Variants in TACC2 observed in about 807,000 individuals in gnomAD.
The protein encoded by TACC2 is transforming acidic coiled-coil-containing protein 2.
A neutral mutation model predicts 227.3 loss-of-function variants in TACC2; 137 were observed. The ratio of observed to expected loss-of-function variants is 0.60; its 90% confidence interval spans 0.52 to 0.69. The LOEUF (loss-of-function observed/expected upper bound fraction) is 0.69, where lower values mean the gene tolerates loss of function less well. Ranked by LOEUF, TACC2 falls within the 30% of genes least tolerant of loss-of-function variation. TACC2 has a pLI of 0.00. For synonymous variants in TACC2, 1,523 were observed against 1,487.5 expected (o/e 1.02, Z -0.55); for missense variants, 3,470 against 3,694.4 (o/e 0.94, Z 1.57).
chr10:122,126,119 C>A (rs1232755177), intron 5 of TACC2, among the ~76,000 whole-genome samples: 1 of 152,112 alleles, frequency 6.6e-6, no homozygotes, highest in Non-Finnish European at 1.5e-5. Flanking sequence ...GCCTTGGCAT[C>A]CTTTGATGGC....
Position 122,087,826 on chromosome 10 carries a change from A to G in TACC2, c.5326A>G (p.Lys1776Glu). 5 of 1,563,816 alleles carry G rather than the reference A, an allele frequency of 3.2e-6. No individual in the cohort carries two copies. The highest frequency in any genetic ancestry group is 4.3e-6 in the Non-Finnish European group (5 of 1,153,542). The change falls in exon 4 of 23, where the codon AAG becomes GAG. Residue 1776 changes from lysine to glutamate, a missense_variant. By Grantham distance (56) the Lys-to-Glu change is moderately conservative. Transcript: ENST00000369005. ...GDSPARPQQA[K>E]EQPGPERPIP... ...CAGCCCAGCCAGGCCCCAGCAGGCT[A>G]AGGAGCAGCCAGGGCCTGAGCGCCC...
At chr10:122,193,655 T>G (rs962057081) in intron 7 of TACC2, among the ~76,000 whole-genome samples, 1 of 152,202 alleles carries the variant, frequency 6.6e-6, no homozygotes. Flanking sequence ...TCTTAATAAT[T>G]AGCCCCCTCG....
intron 2 of TACC2, chr10:122,023,885 G>A (rs1036470501): frequency 5.9e-5 from 9 of 151,986 alleles, no homozygotes; most frequent in Middle Eastern, 3.4e-3. Context: ...CAAACAGGGA[G>A]TTCTTGTCCT....
intron 16 of TACC2, among the ~76,000 whole-genome samples, chr10:122,233,626 C>G (rs893764019): frequency 1.2e-4 from 18 of 152,292 alleles, no homozygotes; most frequent in Non-Finnish European, 2.4e-4. Flanking sequence ...CAGACTACCC[C>G]CACCCATACA....
Position 122,136,545 on chromosome 10 carries a change from GTA to G in TACC2, c.5699+3835_5699+3836del, listed in dbSNP as rs34534253. On this transcript the variant is annotated intron_variant, in intron 6 of 22. Coordinates refer to ENST00000369005, the MANE Select transcript of TACC2 (RefSeq NM_206862.4). ...TGTGTATGTATGTTTGTGTGTGTGT[GTA>G]TATATATATATATATATATATATTA... 3.2e-3 allele frequency among the ~76,000 whole-genome samples: 178 copies of G among 54,866 alleles called. 2 individuals carry two copies. Among genetic ancestry groups the G allele is most frequent in the Middle Eastern group, 0.012 (1 of 84 alleles). The allele number at this position is 54,866 out of a possible 152,430, so 36.0% of individuals were successfully genotyped here.
chr10:122,078,743 A>G (rs2079119900), intron 3 of TACC2, among the ~76,000 whole-genome samples: 1 of 152,254 alleles, frequency 6.6e-6, no homozygotes, highest in Admixed American at 6.5e-5. Context: ...TCCTGCCCTT[A>G]GGCAGATCTG....
At chr10:122,216,584 A>G in intron 10 of TACC2, 43 bp from the exon 11 acceptor site, 1 of 1,592,090 alleles carries the variant, frequency 6.3e-7, no homozygotes, top group Non-Finnish European at 8.6e-7. Context: ...GTTTCTGACC[A>G]AGAGTCTGAT....
chr10:122,105,888 G>T (rs2082709305), intron 5 of TACC2, among the ~76,000 whole-genome samples: 5 of 151,580 alleles, frequency 3.3e-5, no homozygotes, highest in Admixed American at 3.3e-4. Flanking sequence ...CTCCCAAAGT[G>T]CTGGGATTAC....
intron 2 of TACC2, among the ~76,000 whole-genome samples, chr10:122,045,995 AC>A (rs1047149907): frequency 6.6e-6 from 1 of 150,462 alleles, no homozygotes; most frequent in Admixed American, 6.7e-5. Flanking sequence ...ACATGGTGAG[AC>A]CCCCATCTCT....
At position 122,021,943 on chromosome 10, in the gene TACC2, C is replaced by T. The variant is rs745326586; in HGVS notation, c.-39C>T. On this transcript the variant is annotated 5_prime_UTR_variant, in exon 2 of 23. Transcript: ENST00000369005. ...ACCCTTTTGTTTCTTCCAGTCACCTCTGACAAAATTCTGGGGACGCTGGGA... is the reference window on the plus strand; with the variant it reads ...ACCCTTTTGTTTCTTCCAGTCACCTTTGACAAAATTCTGGGGACGCTGGGA... The T allele has an allele frequency of 4.3e-6, 7 of 1,612,196 alleles. No homozygotes were observed. In the African/African-American group the frequency reaches 5.3e-5, roughly 12 times the overall value.
chr10:122,217,441 T>C lies in TACC2; in HGVS notation c.7546+613T>C, dbSNP rs1372120395. 1.1e-4 allele frequency among the ~76,000 whole-genome samples: 15 copies of C among 141,276 alleles called. 1 individual carries two copies. Among genetic ancestry groups the C allele is most frequent in the African/African-American group, 3.6e-4 (14 of 39,000 alleles). 92.7% of individuals were successfully genotyped at this position (141,276 alleles called of 152,430 possible). A position where few individuals can be genotyped will look rare whatever the true frequency, so the allele number is the denominator to read the frequency against. On this transcript the variant is annotated intron_variant, in intron 11 of 22. Transcript: ENST00000369005. Reference sequence around the variant, plus strand: ...TTTTCTTTTTCTTTCTTTTTTCTTTTTTTTTTTTTTTTTTTTTGAGATGGG... The same window carrying C: ...TTTTCTTTTTCTTTCTTTTTTCTTTCTTTTTTTTTTTTTTTTTGAGATGGG...
rs530929778 is a variant in TACC2 at position 122,214,677 on chromosome 10, C to T, written c.7284-714C>T. 2.3e-4 allele frequency among the ~76,000 whole-genome samples: 35 copies of T among 152,250 alleles called. 2 individuals carry two copies. Among genetic ancestry groups the T allele is most frequent in the Admixed American group, 1.8e-3 (28 of 15,292 alleles). On this transcript the variant is annotated intron_variant, in intron 9 of 22. Transcript: ENST00000369005. ...TTCTCCTGGGATCTGCTTCCTTGAC[C>T]CTTCAGGAGTCTGATTTGGTGGTTT... is the stretch of plus-strand genomic sequence containing the variant.
rs1405386944 is a variant in TACC2, at chr10:122,072,854, G to A, written c.147-9793G>A. Reference sequence around the variant, plus strand: ...ATGAGGGCCGGGCGTGGCGGCTCACGCGTAATCCCAGCACTTTGGGAGGCC... The same window carrying A: ...ATGAGGGCCGGGCGTGGCGGCTCACACGTAATCCCAGCACTTTGGGAGGCC... On this transcript the variant is annotated intron_variant, in intron 3 of 22. Coordinates refer to ENST00000369005, the MANE Select transcript of TACC2 (RefSeq NM_206862.4). 2.6e-5 allele frequency among the ~76,000 whole-genome samples: 4 copies of A among 152,040 alleles called. 1 individual carries two copies. The highest frequency in any genetic ancestry group is 2.9e-5 in the Non-Finnish European group (2 of 67,976).
chr10:122,239,351 C>T (rs914878479), intron 18 of TACC2, among the ~76,000 whole-genome samples: 3 of 152,190 alleles, frequency 2.0e-5, no homozygotes, highest in African/African-American at 4.8e-5. Flanking sequence ...TTCCTGGCTA[C>T]CATTTTAAGC....
chr10:122,020,509 C>T (rs943226107), intron 1 of TACC2, among the ~76,000 whole-genome samples: 1 of 152,134 alleles, frequency 6.6e-6, no homozygotes, highest in Non-Finnish European at 1.5e-5. Flanking sequence ...TGGTTCAGTA[C>T]GCATAGTGCA....
intron 9 of TACC2, among the ~76,000 whole-genome samples, chr10:122,212,687 G>T (rs117876085): frequency 6.6e-6 from 1 of 152,140 alleles, no homozygotes; most frequent in Non-Finnish European, 1.5e-5. Context: ...CCCATTCTGG[G>T]CTCCCCCTAA....
At chr10:122,173,065 AAAC>A (rs2093555409) in intron 7 of TACC2, among the ~76,000 whole-genome samples, 1 of 152,148 alleles carries the variant, frequency 6.6e-6, no homozygotes, top group South Asian at 2.1e-4. Flanking sequence ...AAGTAGAAAA[AAAC>A]CAATTCAAAC....
At chr10:122,149,591 G>T (rs1019867702) in intron 7 of TACC2, among the ~76,000 whole-genome samples, 1 of 152,190 alleles carries the variant, frequency 6.6e-6, no homozygotes, top group Non-Finnish European at 1.5e-5. Context: ...CGCAGGAGGG[G>T]AAGGGCAGAA....
At chr10:122,020,889 A>C (rs1230771034) in intron 1 of TACC2, among the ~76,000 whole-genome samples, 1 of 152,186 alleles carries the variant, frequency 6.6e-6, no homozygotes, top group Non-Finnish European at 1.5e-5. Context: ...GAGGTCAATA[A>C]GTGTACTGGG....
Sources: gnomAD v4.1 joint callset for allele counts (sites outside exome capture counted in the v4.1 genomes callset) on GRCh38, gnomAD v4.1.1 for gene constraint, MANE v1.5 for transcripts, NCBI Gene and HGNC (gene_info 2026-07-23, HGNC 2026-07-21) for gene names.